The following PTPRB variants were observed in gnomAD, a reference collection of about 807,000 sequenced individuals.
PTPRB encodes receptor-type tyrosine-protein phosphatase beta.
Under a neutral mutation model 238.1 loss-of-function variants are expected in PTPRB, and 97 were observed. That is an observed-to-expected ratio of 0.41 (90% CI 0.35 to 0.48). The LOEUF is 0.48. PTPRB is among the 20% of genes least tolerant of loss of function. The probability of loss-of-function intolerance (pLI) is 0.30; values close to 1 mark genes in which losing one functional copy is unlikely to be tolerated. For synonymous variants in PTPRB, 970 were observed against 995.4 expected (o/e 0.97, Z 0.48); for missense variants, 2,292 against 2,681.9 (o/e 0.85, Z 3.21).
At chr12:70,578,367 G>A (rs1198328671) in intron 10 of PTPRB, among the ~76,000 whole-genome samples, 1 of 152,112 alleles carries the variant, frequency 6.6e-6, no homozygotes, top group African/African-American at 2.4e-5. Flanking sequence ...ACAATTGACT[G>A]TGTACAAAAT....
At chr12:70,577,072 AGG>A (rs1331195927) in intron 10 of PTPRB, among the ~76,000 whole-genome samples, 1 of 152,212 alleles carries the variant, frequency 6.6e-6, no homozygotes, top group African/African-American at 2.4e-5. Context: ...TTGAGTGGAA[AGG>A]GGAAGAATAC....
At chr12:70,547,692 A>G (rs1876223453) in intron 21 of PTPRB, among the ~76,000 whole-genome samples, 1 of 152,016 alleles carries the variant, frequency 6.6e-6, no homozygotes, top group Non-Finnish European at 1.5e-5. Flanking sequence ...TTTTTATTAC[A>G]GATGGGGTTT....
rs1001074636 is a variant in PTPRB, at chr12:70,581,021, A to T, written c.2578+15T>A. 2.5e-6 allele frequency: 4 copies of T among 1,610,970 alleles called. No homozygotes were observed. The African/African-American group carries it at 5.3e-5, about 22-fold the overall frequency. On this transcript the variant is annotated intron_variant, in intron 10 of 33. Coordinates refer to ENST00000334414, the MANE Select transcript of PTPRB (RefSeq NM_001109754.4). ...GATCTTAGTTAAGTCACAGACACAT[A>T]TCTCTACTTCTTACCTGTTCTTCCC...
chr12:70,606,652 T>A (rs1207546232), intron 4 of PTPRB, among the ~76,000 whole-genome samples: 1 of 152,248 alleles, frequency 6.6e-6, no homozygotes, highest in Non-Finnish European at 1.5e-5. Context: ...GGCATTGCTT[T>A]AATAACAGTA....
intron 6 of PTPRB, among the ~76,000 whole-genome samples, chr12:70,593,457 G>A (rs994526823): frequency 3.6e-5 from 5 of 140,762 alleles, no homozygotes; most frequent in African/African-American, 7.9e-5. Context: ...AGGTTGCAGT[G>A]AGCTGAGATC....
intron 11 of PTPRB, among the ~76,000 whole-genome samples, chr12:70,574,837 C>T (rs1368542343): frequency 6.6e-6 from 1 of 152,170 alleles, no homozygotes; most frequent in Non-Finnish European, 1.5e-5. Context: ...AGAGGATGCA[C>T]TGAATAAAGA....
At position 70,611,464 on chromosome 12, in the gene PTPRB, G is replaced by T. The variant is rs189440386; in HGVS notation, c.709-2125C>A. Among the ~76,000 whole-genome samples the T allele has an allele frequency of 5.7e-3, 865 of 151,344 alleles. 2 individuals carry two copies. Among genetic ancestry groups the T allele is most frequent in the African/African-American group, 0.01 (423 of 41,240 alleles). Reference sequence around the variant, plus strand: ...CCACTACACCCAGCTAATTTTTTTTGTGTGTGTGTATTTTTAATAGAGACA... The same window carrying T: ...CCACTACACCCAGCTAATTTTTTTTTTGTGTGTGTATTTTTAATAGAGACA... On this transcript the variant is annotated intron_variant, in intron 3 of 33. Coordinates refer to ENST00000334414, the MANE Select transcript of PTPRB (RefSeq NM_001109754.4).
chr12:70,563,040 G>T lies in PTPRB; in HGVS notation c.3972C>A (p.Thr1324=). Residue 1324 remains threonine (T), a synonymous_variant, in exon 16 of 34, where the codon ACC becomes ACA. Coordinates refer to ENST00000334414, the MANE Select transcript of PTPRB (RefSeq NM_001109754.4). ...NSTRHLSFRW[T]ASEGELSWYN... is the part of the protein sequence containing the mutation. ...ACCAGCTGAGCTCCCCCTCTGAGGCGGTCCAGCGGAAGGACAGGTGCCTGG... is the reference window on the plus strand; with the variant it reads ...ACCAGCTGAGCTCCCCCTCTGAGGCTGTCCAGCGGAAGGACAGGTGCCTGG... The T allele has an allele frequency of 6.2e-7, 1 of 1,613,824 alleles. No homozygotes were observed. Among genetic ancestry groups the T allele is most frequent in the Non-Finnish European group, 8.5e-7 (1 of 1,179,818 alleles).
intron 15 of PTPRB, among the ~76,000 whole-genome samples, chr12:70,564,660 T>A (rs1242524720): frequency 6.6e-6 from 1 of 151,654 alleles, no homozygotes. Context: ...GGAGAAACCC[T>A]GTGTCTACAA....
chr12:70,565,022 C>A (rs2136347626), intron 15 of PTPRB, among the ~76,000 whole-genome samples: 1 of 152,002 alleles, frequency 6.6e-6, no homozygotes, highest in Non-Finnish European at 1.5e-5. Context: ...CTTTCTTCCC[C>A]ACTAGACTAT....
At chr12:70,590,971 T>G (rs1319552093) in intron 7 of PTPRB, among the ~76,000 whole-genome samples, 1 of 126,914 alleles carries the variant, frequency 7.9e-6, no homozygotes, top group Non-Finnish European at 1.6e-5. Context: ...TGAGACAGGG[T>G]CACACTCTAT....
At chr12:70,595,297 G>T (rs889879589) in intron 5 of PTPRB, among the ~76,000 whole-genome samples, 1 of 151,976 alleles carries the variant, frequency 6.6e-6, no homozygotes, top group African/African-American at 2.4e-5. Flanking sequence ...GGGACCTGTT[G>T]GGGGGTGAGG....
intron 28 of PTPRB, among the ~76,000 whole-genome samples, chr12:70,536,554 G>A (rs1268846485): frequency 6.6e-6 from 1 of 152,170 alleles, no homozygotes; most frequent in Non-Finnish European, 1.5e-5. Context: ...GAATAATTTG[G>A]TAAGATATAT....
At chr12:70,551,518 G>C (rs574062635) in intron 21 of PTPRB, among the ~76,000 whole-genome samples, 1 of 152,058 alleles carries the variant, frequency 6.6e-6, no homozygotes, top group South Asian at 2.1e-4. Context: ...GTAACAGTAC[G>C]TCATAGTCTC....
chr12:70,538,536 C>T, intron 27 of PTPRB: 1 of 441,510 alleles, frequency 2.3e-6, no homozygotes, highest in East Asian at 3.8e-5. Flanking sequence ...TCCAGAAAAC[C>T]TACCTTCTAT....
chr12:70,532,514 T>A (rs1873437002), intron 31 of PTPRB, among the ~76,000 whole-genome samples: 1 of 152,230 alleles, frequency 6.6e-6, no homozygotes, highest in Non-Finnish European at 1.5e-5. Flanking sequence ...TGGTAACATA[T>A]GTGCTTTAGG....
intron 10 of PTPRB, among the ~76,000 whole-genome samples, chr12:70,579,567 C>T (rs1217859355): frequency 6.6e-6 from 1 of 151,694 alleles, no homozygotes; most frequent in African/African-American, 2.4e-5. Flanking sequence ...CGTGGTGGTG[C>T]GTGCCTGTAA....
chr12:70,590,940 GTTTTTTTT>G (rs35496972), intron 7 of PTPRB, among the ~76,000 whole-genome samples: 1 of 102,860 alleles, frequency 9.7e-6, no homozygotes, highest in Non-Finnish European at 1.9e-5. Flanking sequence ...TTTCCTCCAA[GTTTTTTTT>G]TTTTTTTTTT....
At chr12:70,556,881 AC>A (rs1443572275) in intron 18 of PTPRB, among the ~76,000 whole-genome samples, 1 of 152,254 alleles carries the variant, frequency 6.6e-6, no homozygotes, top group African/African-American at 2.4e-5. Context: ...GTTGAGAGAA[AC>A]AAGTACCTAC....
Sources: gnomAD v4.1 joint callset for allele counts (sites outside exome capture counted in the v4.1 genomes callset) on GRCh38, gnomAD v4.1.1 for gene constraint, MANE v1.5 for transcripts, NCBI Gene and HGNC (gene_info 2026-07-23, HGNC 2026-07-21) for gene names.